The following NBPF11 variants were observed in gnomAD, a reference collection of about 807,000 sequenced individuals.
NBPF11 encodes the protein NBPF member 11.
A neutral mutation model predicts 93.9 loss-of-function variants in NBPF11; 72 were observed. The observed-to-expected ratio is 0.77, with a 90% confidence interval of 0.63 to 0.93. NBPF11 has a LOEUF of 0.93. Among genes scored for constraint, NBPF11 ranks in the 40% least tolerant of loss-of-function variants. NBPF11 has a pLI of 0.00. For synonymous variants in NBPF11, 224 were observed against 304.9 expected, an observed-to-expected ratio of 0.73 and a Z score of 2.76; for missense variants, 705 against 802.2, an observed-to-expected ratio of 0.88 and a Z score of 1.46.
rs1444911822 is a variant in NBPF11, at chr1:148,120,803, T to C, written c.779-93A>G. 3.2e-6 allele frequency: 3 copies of C among 950,702 alleles called. 1 individual carries two copies. Among genetic ancestry groups the C allele is most frequent in the African/African-American group, 1.6e-5 (1 of 62,070 alleles). 58.9% of individuals were successfully genotyped at this position (950,702 alleles called of 1,614,324 possible). ...CTGAGGGATGTCACTGGTAGCCTTG[T>C]TTACTTATTTGAAGATGTTGTTTCC... is the stretch of plus-strand genomic sequence containing the variant. On this transcript the variant is annotated intron_variant, in intron 9 of 23. Coordinates refer to ENST00000682118, the MANE Select transcript of NBPF11 (RefSeq NM_001385469.3).
At chr1:148,131,294 C>G (rs1670296634) in intron 4 of NBPF11, among the ~76,000 whole-genome samples, 1 of 151,350 alleles carries the variant, frequency 6.6e-6, no homozygotes, top group African/African-American at 2.4e-5. Context: ...TAACAGGAGC[C>G]ATTTAGTATT....
At chr1:148,151,008 A>G (rs1269694234) in intron 1 of NBPF11, among the ~76,000 whole-genome samples, 1 of 151,906 alleles carries the variant, frequency 6.6e-6, no homozygotes, top group African/African-American at 2.4e-5. Context: ...TTTCGAAAGC[A>G]GCTCCACCAG....
chr1:148,117,170 A>G (rs1666769189), intron 12 of NBPF11, among the ~76,000 whole-genome samples: 1 of 151,766 alleles, frequency 6.6e-6, no homozygotes, highest in South Asian at 2.1e-4. Flanking sequence ...CCATGGAGAG[A>G]GAGAAACTCA....
At chr1:148,106,445 C>T (rs1476163614) in intron 20 of NBPF11, among the ~76,000 whole-genome samples, 2 of 145,126 alleles carry the variant, frequency 1.4e-5, no homozygotes, top group Non-Finnish European at 3.0e-5. Flanking sequence ...TCTGGTAGAT[C>T]GTTATCCCAA....
At chr1:148,135,895 G>C in intron 3 of NBPF11, 82 bp from the exon 4 acceptor site, 1 of 928,886 alleles carries the variant, frequency 1.1e-6, no homozygotes, top group South Asian at 1.4e-5. Context: ...CCATGACCCT[G>C]TTCACTTGAG....
At chr1:148,149,494 C>T (rs1414398810) in intron 1 of NBPF11, 5 of 1,592,864 alleles carry the variant, frequency 3.1e-6, no homozygotes, top group Non-Finnish European at 3.4e-6. Context: ...ACAACGACAT[C>T]GAGCTCTACA....
intron 4 of NBPF11, among the ~76,000 whole-genome samples, chr1:148,132,214 T>TAC (rs781886385): frequency 0.032 from 2,419 of 75,958 alleles, 46 homozygotes; most frequent in African/African-American, 0.082. Flanking sequence ...TATATATATA[T>TAC]ACACACACAC....
intron 10 of NBPF11, among the ~76,000 whole-genome samples, chr1:148,119,485 T>A (rs1469834189): frequency 1.3e-5 from 2 of 151,848 alleles, no homozygotes; most frequent in African/African-American, 2.4e-5. Flanking sequence ...GACAAGCACC[T>A]TGGATGGAGC....
At position 148,103,876 on chromosome 1, in the gene NBPF11, T is replaced by A; in HGVS notation, c.*20A>T. On this transcript the variant is annotated 3_prime_UTR_variant, in exon 24 of 24. Coordinates refer to ENST00000682118, the MANE Select transcript of NBPF11 (RefSeq NM_001385469.3). ...ATCTATCCAGTGAGTCCTGTAAGAC[T>A]TCAGGCACTTCCACTTCCATCAGCA... is the stretch of plus-strand genomic sequence containing the variant. The A allele has an allele frequency of 6.2e-7, 1 of 1,611,186 alleles. No individual in the cohort carries two copies. The highest frequency in any genetic ancestry group is 8.5e-7 in the Non-Finnish European group (1 of 1,179,296).
Position 148,152,222 on chromosome 1 carries a change from T to C in NBPF11, c.-1021A>G, listed in dbSNP as rs1648564531. On this transcript the variant is annotated 5_prime_UTR_variant, in exon 1 of 24. Coordinates refer to ENST00000682118, the MANE Select transcript of NBPF11 (RefSeq NM_001385469.3). ...GGCCACTTGAACCGCCCCTGCCAGG[T>C]TAAAGAGGCGGGAGACACACCCCCT... 6.6e-6 allele frequency: 1 copy of C among 152,074 alleles called. No individual in the cohort carries two copies. Among genetic ancestry groups the C allele is most frequent in the Admixed American group, 6.5e-5 (1 of 15,278 alleles). The allele number at this position is 152,074 out of a possible 1,614,324, so 9.4% of individuals were successfully genotyped here.
rs1454139263 is a variant in NBPF11, at chr1:148,149,422, G to C, written c.-549+2328C>G. The C allele has an allele frequency of 3.8e-6, 6 of 1,581,402 alleles. No individual in the cohort carries two copies. In the African/African-American group the frequency reaches 6.9e-5, roughly 18 times the overall value. On this transcript the variant is annotated intron_variant, in intron 1 of 23. Coordinates refer to ENST00000682118, the MANE Select transcript of NBPF11 (RefSeq NM_001385469.3). ...ACGAGGTGATCGACTTCTCGCACGG[G>C]CTGGCGCTCTACGAGCGCTGCCCCA...
At chr1:148,125,565 C>CT (rs1668918291) in intron 5 of NBPF11, among the ~76,000 whole-genome samples, 1 of 151,924 alleles carries the variant, frequency 6.6e-6, no homozygotes, top group South Asian at 2.1e-4. Flanking sequence ...TGCCCAAATA[C>CT]TTTATTAGTA....
chr1:148,124,700 C>T (rs1441281691), intron 6 of NBPF11, among the ~76,000 whole-genome samples, 199 bp downstream of exon 6: 1 of 152,006 alleles, frequency 6.6e-6, no homozygotes, highest in Admixed American at 6.5e-5. Context: ...AAAGAGAAAA[C>T]AAGGCTCTAA....
At chr1:148,144,710 C>T (rs1298637561) in intron 1 of NBPF11, among the ~76,000 whole-genome samples, 1 of 151,940 alleles carries the variant, frequency 6.6e-6, no homozygotes, top group Middle Eastern at 3.2e-3. Flanking sequence ...TGATGGCTCA[C>T]ACCTGTAATC....
At position 148,105,425 on chromosome 1, in the gene NBPF11, TG is replaced by T; in HGVS notation, c.2406del (p.Ser803AlafsTer19). 1 of 1,119,992 alleles carries T rather than the reference TG, an allele frequency of 8.9e-7. No homozygotes were observed. The highest frequency in any genetic ancestry group is 1.3e-6 in the Non-Finnish European group (1 of 745,580). 69.4% of individuals were successfully genotyped at this position (1,119,992 alleles called of 1,614,324 possible). A position where few individuals can be genotyped will look rare whatever the true frequency, so the allele number is the denominator to read the frequency against. On this transcript the variant is annotated frameshift_variant, in exon 22 of 24. Coordinates refer to ENST00000682118, the MANE Select transcript of NBPF11 (RefSeq NM_001385469.3). LOFTEE classifies it high-confidence loss of function. Reference protein sequence around the residue: ...LPVVLNSLTPASPTEVPFMHW... With the variant: ...LPVVLNSLTPXSPTEVPFMHW... ...TGCATAAAAGGAACTTCCGTAGGGCTGGCAGGAGTCAGGCTGTTCAAGACAA... is the reference window on the plus strand; with the variant it reads ...TGCATAAAAGGAACTTCCGTAGGGCTGCAGGAGTCAGGCTGTTCAAGACAA...
intron 16 of NBPF11, 65 bp from the exon 17 acceptor site, chr1:148,109,400 C>T (rs1376804128): frequency 4.7e-5 from 43 of 909,474 alleles, no homozygotes; most frequent in Non-Finnish European, 7.8e-5. Context: ...AGAAACATTC[C>T]TCTGTCCAAT....
intron 1 of NBPF11, chr1:148,146,984 CG>C (rs1389205630): frequency 2.8e-6 from 4 of 1,430,760 alleles, no homozygotes; most frequent in African/African-American, 1.4e-5. Flanking sequence ...GGCGGGGGGC[CG>C]GGGGGCGGGC....
intron 5 of NBPF11, among the ~76,000 whole-genome samples, chr1:148,125,262 C>G (rs1668833386): frequency 6.6e-6 from 1 of 151,876 alleles, no homozygotes; most frequent in East Asian, 1.9e-4. Context: ...GAAGTGGAGT[C>G]AGAACTCACA....
chr1:148,132,694 C>G (rs1264495730), intron 4 of NBPF11, among the ~76,000 whole-genome samples: 3 of 86,112 alleles, frequency 3.5e-5, no homozygotes, highest in African/African-American at 1.4e-4. Context: ...TTTTGGTGTA[C>G]TGGCCTTACA....
Sources: allele counts gnomAD v4.1 joint callset (sites outside exome capture counted in the v4.1 genomes callset), GRCh38; gene constraint gnomAD v4.1.1; transcripts MANE v1.5; gene names NCBI Gene and HGNC (gene_info 2026-07-23, HGNC 2026-07-21).